The following CLOCK variants were observed in gnomAD, a reference collection of about 807,000 sequenced individuals.
CLOCK encodes the protein clock circadian regulator.
Under a neutral mutation model 118.4 loss-of-function variants are expected in CLOCK, and 43 were observed. The ratio of observed to expected loss-of-function variants is 0.36; its 90% CI spans 0.28 to 0.47. The LOEUF is 0.47. Ranked by LOEUF, CLOCK falls within the 20% of genes least tolerant of loss-of-function variation. The probability of loss-of-function intolerance (pLI) is 1.00; values close to 1 mark genes in which losing one functional copy is unlikely to be tolerated. For missense variants in CLOCK, 846 were observed against 999.9 expected (o/e 0.85, Z 2.08); for synonymous variants, 326 against 339.2 (o/e 0.96, Z 0.43).
intron 8 of CLOCK, among the ~76,000 whole-genome samples, chr4:55,467,149 T>G (rs1390928021): frequency 6.6e-6 from 1 of 152,140 alleles, no homozygotes; most frequent in Non-Finnish European, 1.5e-5. Context: ...GGTGACAGGG[T>G]TTTTATTGAG....
In CLOCK at chr4:55,435,369, G is replaced by A; in HGVS notation, c.*46C>T. The A allele has an allele frequency of 6.2e-7, 1 of 1,607,100 alleles. No individual in the cohort carries two copies. The highest frequency in any genetic ancestry group is 8.5e-7 in the Non-Finnish European group (1 of 1,174,330). On this transcript the variant is annotated 3_prime_UTR_variant, in exon 23 of 23. Coordinates refer to ENST00000513440, the MANE Select transcript of CLOCK (RefSeq NM_004898.4). The stretch of plus-strand genomic sequence containing the variant: ...TCAGGTCATCTGAGTAACTCTTAAT[G>A]GGCCATCCCCTTCCTCCCTTGATGT...
At chr4:55,490,499 T>C (rs1415577763) in intron 2 of CLOCK, among the ~76,000 whole-genome samples, 1 of 152,092 alleles carries the variant, frequency 6.6e-6, no homozygotes, top group East Asian at 1.9e-4. Flanking sequence ...TTAAACAGTG[T>C]ATCAGTACAG....
At chr4:55,448,746 A>G (rs1724158948) in intron 18 of CLOCK, 33 bp downstream of exon 18, 1 of 1,544,920 alleles carries the variant, frequency 6.5e-7, no homozygotes, top group Non-Finnish European at 8.9e-7. Context: ...TATCATATTC[A>G]AATACGCAAC....
intron 3 of CLOCK, among the ~76,000 whole-genome samples, chr4:55,488,783 T>C (rs574185255): frequency 3.3e-5 from 5 of 152,186 alleles, no homozygotes; most frequent in African/African-American, 2.4e-5. Context: ...TCTCCCAGGC[T>C]GGAATGCAGT....
chr4:55,480,535 G>A (rs986476487), intron 4 of CLOCK, among the ~76,000 whole-genome samples: 2 of 152,088 alleles, frequency 1.3e-5, no homozygotes, highest in Admixed American at 6.6e-5. Flanking sequence ...TAAAGTGTTG[G>A]GATTACAGGT....
intron 1 of CLOCK, among the ~76,000 whole-genome samples, chr4:55,532,490 A>G (rs1730616580): frequency 6.6e-6 from 1 of 152,176 alleles, no homozygotes; most frequent in Non-Finnish European, 1.5e-5. Context: ...TCAACACACA[A>G]AAATCAGTTG....
chr4:55,539,316 C>A (rs1731101958), intron 1 of CLOCK, among the ~76,000 whole-genome samples: 1 of 149,810 alleles, frequency 6.7e-6, no homozygotes. Flanking sequence ...TGGCTCACAC[C>A]TATACCCAGC....
At chr4:55,463,542 T>C (rs1473088349) in intron 9 of CLOCK, 143 bp downstream of exon 9, 5 of 581,254 alleles carry the variant, frequency 8.6e-6, no homozygotes, top group Non-Finnish European at 1.2e-5. Context: ...TCATTTTATA[T>C]ATATTTTAAT....
At chr4:55,524,934 T>TAA (rs139559391) in intron 1 of CLOCK, among the ~76,000 whole-genome samples, 5 of 149,862 alleles carry the variant, frequency 3.3e-5, no homozygotes, top group East Asian at 1.9e-4. Flanking sequence ...GCAAAAATCT[T>TAA]AAAAAAAAAA....
intron 16 of CLOCK, 30 bp from the exon 17 acceptor site, chr4:55,449,526 G>A (rs1724238695): frequency 1.3e-6 from 2 of 1,519,384 alleles, no homozygotes; most frequent in Non-Finnish European, 1.8e-6. Flanking sequence ...AAGAGCATTA[G>A]TACTTTATAA....
At chr4:55,541,480 T>A (rs1454141875) in intron 1 of CLOCK, among the ~76,000 whole-genome samples, 1 of 152,238 alleles carries the variant, frequency 6.6e-6, no homozygotes, top group Non-Finnish European at 1.5e-5. Context: ...TTAGCTACAG[T>A]GCAGAACTTT....
chr4:55,531,902 A>T (rs905592633), intron 1 of CLOCK, among the ~76,000 whole-genome samples: 2 of 67,228 alleles, frequency 3.0e-5, no homozygotes, highest in African/African-American at 7.7e-5. Context: ...TTTAAATGTT[A>T]AAAAAAACAA....
intron 1 of CLOCK, chr4:55,545,513 T>G (rs1331941672): frequency 6.6e-6 from 1 of 152,238 alleles, no homozygotes; most frequent in Non-Finnish European, 1.5e-5. Flanking sequence ...TTACTTCTTG[T>G]GCTTTTCTTC....
chr4:55,517,653 C>T (rs1729600792), intron 1 of CLOCK, among the ~76,000 whole-genome samples: 1 of 152,124 alleles, frequency 6.6e-6, no homozygotes, highest in Admixed American at 6.5e-5. Context: ...CAGGATAATA[C>T]TTGAAATGTT....
At chr4:55,488,537 T>G (rs74389683) in intron 3 of CLOCK, among the ~76,000 whole-genome samples, 5,133 of 152,354 alleles carry the variant, frequency 0.034, 104 homozygotes, top group Non-Finnish European at 0.054. Flanking sequence ...TCATTTACTG[T>G]ATTCCAGTCA....
At chr4:55,508,660 T>G (rs1728957308) in intron 2 of CLOCK, among the ~76,000 whole-genome samples, 1 of 151,754 alleles carries the variant, frequency 6.6e-6, no homozygotes. Flanking sequence ...TGGCATGATC[T>G]CGGCTCACTG....
chr4:55,476,348 T>A (rs1726509470), intron 6 of CLOCK, among the ~76,000 whole-genome samples: 1 of 152,166 alleles, frequency 6.6e-6, no homozygotes, highest in Non-Finnish European at 1.5e-5. Flanking sequence ...TTTGACACAA[T>A]GACCAAAGAA....
chr4:55,449,501 A>C lies in CLOCK; in HGVS notation c.1349-5T>G. The C allele has an allele frequency of 6.2e-7, 1 of 1,610,654 alleles. No individual in the cohort carries two copies. Among genetic ancestry groups the C allele is most frequent in the Non-Finnish European group, 8.5e-7 (1 of 1,176,874 alleles). The stretch of plus-strand genomic sequence containing the variant: ...TCGGGATCTTGGTTGGTGTTGCTGA[A>C]GTCAACAAAATCAGAAGAGCATTAG... On this transcript the variant is annotated splice_region_variant and splice_polypyrimidine_tract_variant and intron_variant, in intron 16 of 22. Transcript: ENST00000513440.
intron 1 of CLOCK, chr4:55,540,742 G>C (rs908614170): frequency 6.6e-6 from 1 of 152,204 alleles, no homozygotes; most frequent in South Asian, 2.1e-4. Context: ...AGTGGAGAGG[G>C]AGGAAGGGGA....
Sources: allele counts gnomAD v4.1 joint callset (sites outside exome capture counted in the v4.1 genomes callset), GRCh38; gene constraint gnomAD v4.1.1; transcripts MANE v1.5; gene names NCBI Gene and HGNC (gene_info 2026-07-23, HGNC 2026-07-21).